The following NBEAL1 variants were observed in gnomAD, a reference collection of about 807,000 sequenced individuals.
The protein encoded by NBEAL1 is neurobeachin-like protein 1.
A neutral mutation model predicts 351.3 loss-of-function variants in NBEAL1; 273 were observed. That is an observed-to-expected ratio of 0.78 (90% CI 0.70 to 0.86). NBEAL1 has a LOEUF of 0.86. Ranked by LOEUF, NBEAL1 falls within the 40% of genes least tolerant of loss-of-function variation. The pLI is 0.00. For missense variants in NBEAL1, 2,961 were observed against 3,201.3 expected (o/e 0.92, Z 1.81); for synonymous variants, 1,050 against 1,086.4 (o/e 0.97, Z 0.66).
intron 6 of NBEAL1, among the ~76,000 whole-genome samples, chr2:203,060,434 A>G (rs1382710027): frequency 6.6e-6 from 1 of 152,202 alleles, no homozygotes; most frequent in African/African-American, 2.4e-5. Flanking sequence ...GAAAATTCCA[A>G]ATATTAACAA....
intron 42 of NBEAL1, among the ~76,000 whole-genome samples, chr2:203,176,282 C>CA (rs2064498536): frequency 6.6e-6 from 1 of 151,364 alleles, no homozygotes; most frequent in South Asian, 2.1e-4. Flanking sequence ...GGTGTGCCAC[C>CA]ACACCTGGGT....
intron 2 of NBEAL1, among the ~76,000 whole-genome samples, chr2:203,018,263 CTT>C (rs948315448): frequency 2.9e-5 from 2 of 69,564 alleles, no homozygotes; most frequent in African/African-American, 8.5e-5. Flanking sequence ...AGCTGACAAA[CTT>C]TTAAGGCTTT....
At chr2:203,110,327 G>C in intron 15 of NBEAL1, 45 bp downstream of exon 15, 4 of 1,509,388 alleles carry the variant, frequency 2.7e-6, no homozygotes, top group Non-Finnish European at 2.7e-6. Context: ...ATGGTTAATG[G>C]TATTTCCCAC....
rs2063468338 is a variant in NBEAL1 at position 203,144,834 on chromosome 2, A to G, written c.5083A>G (p.Ser1695Gly). ...ACCTTCTTTACCTTTTACCAATGGTAGCTCCTCATTTTTTGAAGATTTTCA... is the reference window on the plus strand; with the variant it reads ...ACCTTCTTTACCTTTTACCAATGGTGGCTCCTCATTTTTTGAAGATTTTCA... ...HLPSLPFTNG[S>G]SSFFEDFQEY... Residue 1695 changes from serine (S) to glycine (G), a missense_variant, in exon 32 of 56, where the codon AGC (serine) becomes GGC (glycine). Physicochemically the swap from Ser to Gly is moderately conservative, Grantham distance 56. Transcript: ENST00000683969. 6.2e-7 allele frequency: 1 copy of G among 1,612,380 alleles called. No homozygotes were observed. Among genetic ancestry groups the G allele is most frequent in the Non-Finnish European group, 8.5e-7 (1 of 1,179,454 alleles).
intron 53 of NBEAL1, among the ~76,000 whole-genome samples, chr2:203,210,134 G>C (rs539213987): frequency 6.6e-6 from 1 of 152,046 alleles, no homozygotes; most frequent in African/African-American, 2.4e-5. Context: ...AGGCTGAGGT[G>C]GGTGGATCAC....
At position 203,172,818 on chromosome 2, in the gene NBEAL1, A is replaced by G. The variant is rs1231483192; in HGVS notation, c.6288A>G (p.Val2096=). 1 of 1,610,634 alleles carries G rather than the reference A, an allele frequency of 6.2e-7. No individual in the cohort carries two copies. Among genetic ancestry groups the G allele is most frequent in the African/African-American group, 1.3e-5 (1 of 74,972 alleles). ...VFRDLSKPIG[V]VNEKNAKAMR... The stretch of plus-strand genomic sequence containing the variant: ...GAGATCTTTCCAAACCAATTGGGGT[A>G]GTTAATGAAAAAAACGCCAAAGCTA... Residue 2096 remains valine (V), a synonymous_variant, in exon 41 of 56, where the codon GTA becomes GTG. Transcript: ENST00000683969.
intron 6 of NBEAL1, among the ~76,000 whole-genome samples, chr2:203,065,753 G>GA (rs879711650): frequency 1.2e-3 from 171 of 140,758 alleles, no homozygotes; most frequent in South Asian, 0.011. Flanking sequence ...CTCTGTCTCA[G>GA]AAAAAAAAAA....
intron 8 of NBEAL1, among the ~76,000 whole-genome samples, chr2:203,079,909 C>T (rs1408090725): frequency 6.6e-6 from 1 of 152,106 alleles, no homozygotes. Context: ...AACTTTTAAT[C>T]TTCTAGCAGT....
intron 6 of NBEAL1, among the ~76,000 whole-genome samples, chr2:203,066,781 C>T (rs906768454): frequency 3.4e-5 from 5 of 149,092 alleles, no homozygotes; most frequent in African/African-American, 7.5e-5. Context: ...CCAGACGGGG[C>T]GGCCGGGCAG....
chr2:203,179,963 G>A (rs1011936960), intron 42 of NBEAL1, among the ~76,000 whole-genome samples: 4 of 152,020 alleles, frequency 2.6e-5, no homozygotes, highest in Non-Finnish European at 4.4e-5. Flanking sequence ...TAGTAGCAAC[G>A]AGGTTTCACC....
chr2:203,145,921 A>G (rs1187463174), intron 33 of NBEAL1, among the ~76,000 whole-genome samples: 1 of 152,016 alleles, frequency 6.6e-6, no homozygotes, highest in Non-Finnish European at 1.5e-5. Flanking sequence ...CAGAAAAATA[A>G]TAGAGAAAAT....
rs2063135158 is a variant in NBEAL1 at position 203,133,847 on chromosome 2, T to C, written c.3813+701T>C. On this transcript the variant is annotated intron_variant, in intron 27 of 55. Transcript: ENST00000683969. ...AAAAATATATATATTTGTTGTATAA[T>C]ATATATGTATAATTTCCTTTTCTCT... is the stretch of plus-strand genomic sequence containing the variant. Among the ~76,000 whole-genome samples, 3 of 151,696 alleles carry C rather than the reference T, an allele frequency of 2.0e-5. No homozygotes were observed. The South Asian group carries it at 6.2e-4, about 31-fold the overall frequency.
At position 203,059,143 on chromosome 2, in the gene NBEAL1, G is replaced by C. The variant is rs540163776; in HGVS notation, c.515+1690G>C. 6.6e-5 allele frequency among the ~76,000 whole-genome samples: 10 copies of C among 152,292 alleles called. 1 individual carries two copies. The South Asian group carries it at 2.1e-3, about 32-fold the overall frequency. On this transcript the variant is annotated intron_variant, in intron 6 of 55. Transcript: ENST00000683969. ...ATAGCCACCATACCATTAGATGATGGTGAAGAATTGATAACTGAGAGAACA... is the reference window on the plus strand; with the variant it reads ...ATAGCCACCATACCATTAGATGATGCTGAAGAATTGATAACTGAGAGAACA...
rs59398616 is a variant in NBEAL1, at chr2:203,024,551, C to CAA, written c.51+8128_51+8129dup. Among the ~76,000 whole-genome samples the CAA allele has an allele frequency of 2.3e-3, 306 of 131,706 alleles. 4 individuals carry two copies. Among genetic ancestry groups the CAA allele is most frequent in the East Asian group, 0.013 (55 of 4,382 alleles). 86.4% of individuals were successfully genotyped at this position (131,706 alleles called of 152,430 possible). On this transcript the variant is annotated intron_variant, in intron 2 of 55. Coordinates refer to ENST00000683969, the MANE Select transcript of NBEAL1 (RefSeq NM_001378026.1). ...TGGGCAATAGAGTGAGACTCTGTCTCAAAAAAAAAAAAAGAAAAAAAGAAA... is the reference window on the plus strand; with the variant it reads ...TGGGCAATAGAGTGAGACTCTGTCTCAAAAAAAAAAAAAAAGAAAAAAAGAAA...
chr2:203,189,883 C>T (rs2065016540), intron 45 of NBEAL1, among the ~76,000 whole-genome samples: 1 of 151,628 alleles, frequency 6.6e-6, no homozygotes, highest in Non-Finnish European at 1.5e-5. Flanking sequence ...CGCCTGTAAT[C>T]CCAGCACTTT....
At chr2:203,126,365 T>C (rs1314892890) in intron 21 of NBEAL1, among the ~76,000 whole-genome samples, 192 bp from the exon 22 acceptor site, 2 of 152,190 alleles carry the variant, frequency 1.3e-5, no homozygotes, top group Non-Finnish European at 2.9e-5. Context: ...ATAAGACTAT[T>C]TTAGGAATAT....
Position 203,168,187 on chromosome 2 carries a change from A to T in NBEAL1, c.5997+827A>T, listed in dbSNP as rs1271569403. 2.0e-5 allele frequency among the ~76,000 whole-genome samples: 3 copies of T among 152,272 alleles called. No homozygotes were observed. The East Asian group carries it at 5.8e-4, about 29-fold the overall frequency. ...TTATGGAAAGCTGTGTCATGTAATT[A>T]AACTAAGTCTGCCCCTGCTAAGTAC... On this transcript the variant is annotated intron_variant, in intron 38 of 55. Transcript: ENST00000683969.
intron 34 of NBEAL1, among the ~76,000 whole-genome samples, chr2:203,151,214 C>A (rs1483871178): frequency 6.6e-6 from 1 of 152,080 alleles, no homozygotes; most frequent in Admixed American, 6.6e-5. Flanking sequence ...GCCTGTAATC[C>A]CTGCTATGTC....
Position 203,200,930 on chromosome 2 carries a change from A to G in NBEAL1, c.7239-613A>G, listed in dbSNP as rs142266880. Among the ~76,000 whole-genome samples the G allele has an allele frequency of 3.0e-3, 452 of 152,346 alleles. 3 individuals are homozygous for G. Among genetic ancestry groups the G allele is most frequent in the African/African-American group, 0.01 (422 of 41,578 alleles). ...TCTCAGCAAATTAATATTGAACAAT[A>G]AAGTTTTATAGCTAGAGTATGAGAA... On this transcript the variant is annotated intron_variant, in intron 49 of 55. Coordinates refer to ENST00000683969, the MANE Select transcript of NBEAL1 (RefSeq NM_001378026.1).
Sources: gnomAD v4.1 joint callset for allele counts (sites outside exome capture counted in the v4.1 genomes callset) on GRCh38, gnomAD v4.1.1 for gene constraint, MANE v1.5 for transcripts, NCBI Gene and HGNC (gene_info 2026-07-23, HGNC 2026-07-21) for gene names.